The following LYN variants were observed in gnomAD, a reference collection of about 807,000 sequenced individuals.
The protein encoded by LYN is tyrosine-protein kinase Lyn.
In LYN, 12 loss-of-function variants were observed where a neutral mutation model predicts 65.0. That is an observed-to-expected ratio of 0.18 (90% CI 0.12 to 0.30). The LOEUF (loss-of-function observed/expected upper bound fraction) is 0.30, where lower values mean the gene tolerates loss of function less well. Ranked by LOEUF, LYN falls within the 10% of genes least tolerant of loss-of-function variation. The probability of loss-of-function intolerance (pLI) is 1.00; values close to 1 mark genes in which losing one functional copy is unlikely to be tolerated. For synonymous variants in LYN, 222 were observed against 221.2 expected, an observed-to-expected ratio of 1.00 and a Z score of -0.03; for missense variants, 380 against 623.2, an observed-to-expected ratio of 0.61 and a Z score of 4.16.
At chr8:55,951,766 C>G (rs1468739767) in intron 6 of LYN, among the ~76,000 whole-genome samples, 200 bp from the exon 7 acceptor site, 1 of 151,672 alleles carries the variant, frequency 6.6e-6, no homozygotes, top group Non-Finnish European at 1.5e-5. Context: ...GGTATGTTGG[C>G]AAGCTACACA....
chr8:55,880,040 GC>G lies in LYN; in HGVS notation c.-63del. On this transcript the variant is annotated 5_prime_UTR_variant, in exon 1 of 13. Transcript: ENST00000519728. ...AGGTCCTGCTGGGCCGCCCCGTCGC[GC>G]CCCCCACTCTGAACTCAAGTCACCG... The G allele has an allele frequency of 3.6e-5, 11 of 308,472 alleles. No homozygotes were observed. Among genetic ancestry groups the G allele is most frequent in the Non-Finnish European group, 5.3e-5 (8 of 151,818 alleles). The allele number at this position is 308,472 out of a possible 1,614,324, so 19.1% of individuals were successfully genotyped here.
intron 6 of LYN, 84 bp from the exon 7 acceptor site, chr8:55,951,882 T>A (rs1330001304): frequency 1.9e-6 from 2 of 1,057,596 alleles, no homozygotes; most frequent in Admixed American, 2.6e-5. Flanking sequence ...CATATTTGTA[T>A]CACAAAATGT....
intron 1 of LYN, among the ~76,000 whole-genome samples, chr8:55,916,129 A>G (rs187198633): frequency 2.6e-4 from 40 of 152,348 alleles, no homozygotes; most frequent in African/African-American, 9.4e-4. Flanking sequence ...AAATTATCTC[A>G]TGATAGTTTC....
intron 1 of LYN, among the ~76,000 whole-genome samples, chr8:55,899,276 T>A (rs1351992014): frequency 1.3e-5 from 2 of 152,190 alleles, no homozygotes; most frequent in African/African-American, 4.8e-5. Context: ...AGGAAACAGA[T>A]GCTTGGGGAT....
intron 10 of LYN, among the ~76,000 whole-genome samples, chr8:55,975,646 AT>A (rs1376413853): frequency 6.6e-6 from 1 of 152,218 alleles, no homozygotes; most frequent in Non-Finnish European, 1.5e-5. Flanking sequence ...AATGAGTGTT[AT>A]GTTTTCAGCT....
At chr8:55,923,901 A>G (rs1436319300) in intron 1 of LYN, among the ~76,000 whole-genome samples, 1 of 151,934 alleles carries the variant, frequency 6.6e-6, no homozygotes, top group Non-Finnish European at 1.5e-5. Context: ...AAAAAAAAAT[A>G]CACATACATT....
At chr8:55,911,531 T>C (rs1194793867) in intron 1 of LYN, among the ~76,000 whole-genome samples, 1 of 151,830 alleles carries the variant, frequency 6.6e-6, no homozygotes, top group Non-Finnish European at 1.5e-5. Flanking sequence ...CTGGTGACCC[T>C]GAACTCGTAG....
chr8:55,897,507 C>G (rs1430287530), intron 1 of LYN, among the ~76,000 whole-genome samples: 1 of 152,158 alleles, frequency 6.6e-6, no homozygotes, highest in African/African-American at 2.4e-5. Flanking sequence ...TTTGCCTTTT[C>G]TACCTCAATT....
Position 55,953,930 on chromosome 8 carries a change from T to G in LYN, c.736T>G (p.Ser246Ala), listed in dbSNP as rs935530221. 1.2e-6 allele frequency: 2 copies of G among 1,613,886 alleles called. No homozygotes were observed. The highest frequency in any genetic ancestry group is 1.7e-6 in the Non-Finnish European group (2 of 1,179,972). ...AGATGCCTGGGAGATCCCCCGGGAG[T>G]CCATCAAGTTGGTGAAAAGGCTTGG... ...DKDAWEIPRE[S>A]IKLVKRLGAG... The change falls in exon 8 of 13, where the codon TCC becomes GCC. Residue 246 changes from serine to alanine, a missense_variant. Around this residue, in one of 2 missense-constraint regions of LYN, gnomAD observed 223 missense variants for 430.0 expected, o/e 0.52. Transcript: ENST00000519728.
chr8:55,950,621 T>C (rs1806914174), intron 5 of LYN, 60 bp from the exon 6 acceptor site: 22 of 1,573,080 alleles, frequency 1.4e-5, no homozygotes, highest in South Asian at 1.3e-4. Flanking sequence ...TTGTTAATAT[T>C]CTTCACCTTT....
intron 7 of LYN, among the ~76,000 whole-genome samples, chr8:55,952,532 C>G (rs891946162): frequency 1.3e-5 from 2 of 152,196 alleles, no homozygotes; most frequent in African/African-American, 4.8e-5. Context: ...TGCACTCCAG[C>G]CTGGGTGACA....
At chr8:55,991,976 G>A (rs374763747) in intron 10 of LYN, among the ~76,000 whole-genome samples, 11 of 152,284 alleles carry the variant, frequency 7.2e-5, no homozygotes, top group South Asian at 6.2e-4. Context: ...CACTGACATC[G>A]TCTCTTTACG....
At chr8:55,924,929 C>A (rs1459298135) in intron 1 of LYN, among the ~76,000 whole-genome samples, 2 of 150,696 alleles carry the variant, frequency 1.3e-5, no homozygotes, top group African/African-American at 4.9e-5. Context: ...GCAGCCTCCG[C>A]CTCCCAGGTT....
intron 8 of LYN, among the ~76,000 whole-genome samples, chr8:55,956,337 G>A (rs1807110687): frequency 6.6e-6 from 1 of 152,038 alleles, no homozygotes; most frequent in African/African-American, 2.4e-5. Flanking sequence ...GACGTGACTT[G>A]CTGAGTTTTG....
chr8:55,979,914 C>T (rs552108237), intron 10 of LYN, among the ~76,000 whole-genome samples: 52 of 152,354 alleles, frequency 3.4e-4, no homozygotes, highest in African/African-American at 1.3e-3. Flanking sequence ...GCCATAGTTG[C>T]TGCCTCCTGG....
chr8:55,920,791 C>T (rs1171735057), intron 1 of LYN, among the ~76,000 whole-genome samples: 3 of 150,504 alleles, frequency 2.0e-5, no homozygotes, highest in African/African-American at 7.4e-5. Context: ...CCACCACCCC[C>T]CCACCGGGTT....
intron 1 of LYN, among the ~76,000 whole-genome samples, chr8:55,918,184 A>G (rs62515365): frequency 0.043 from 6,477 of 152,272 alleles, 239 homozygotes; most frequent in Admixed American, 0.061. Context: ...CTCAGACAGG[A>G]CACTTTGTGT....
intron 1 of LYN, among the ~76,000 whole-genome samples, chr8:55,890,736 T>A (rs1804934186): frequency 6.6e-6 from 1 of 151,958 alleles, no homozygotes; most frequent in Admixed American, 6.6e-5. Context: ...AATTTTTTTT[T>A]TTTTTTTTTG....
chr8:55,891,849 G>A (rs779832927), intron 1 of LYN, among the ~76,000 whole-genome samples: 1 of 152,116 alleles, frequency 6.6e-6, no homozygotes, highest in African/African-American at 2.4e-5. Context: ...CCAAGCAGAC[G>A]GGTGTTCACT....
Sources: gnomAD v4.1 joint callset for allele counts (sites outside exome capture counted in the v4.1 genomes callset) on GRCh38, gnomAD v4.1.1 for gene constraint, gnomAD v4.1.1 regional missense constraint, MANE v1.5 for transcripts, NCBI Gene and HGNC (gene_info 2026-07-23, HGNC 2026-07-21) for gene names.